WASF3: variants seen among roughly 807,000 people sequenced by gnomAD.
WASF3 encodes the protein actin-binding protein WASF3.
Under a neutral mutation model 46.6 loss-of-function variants are expected in WASF3, and 11 were observed. The observed-to-expected ratio is 0.24, with a 90% CI of 0.15 to 0.39. WASF3 has a LOEUF of 0.39. Ranked by LOEUF, WASF3 falls within the 10% of genes least tolerant of loss-of-function variation. The pLI is 1.00. For missense variants in WASF3, 576 were observed against 669.8 expected, an observed-to-expected ratio of 0.86 and a Z score of 1.55; for synonymous variants, 242 against 259.7, an observed-to-expected ratio of 0.93 and a Z score of 0.65.
chr13:26,543,700 A>G, the WASF3 span, among the ~76,000 whole-genome samples: 3 of 152,166 alleles, frequency 2.0e-5, no homozygotes, highest in African/African-American at 7.2e-5. Context: ...GTCTGTAGCC[A>G]TAAGTTCTAT....
At chr13:26,657,478 C>A (rs1342057167) in intron 3 of WASF3, among the ~76,000 whole-genome samples, 1 of 152,196 alleles carries the variant, frequency 6.6e-6, no homozygotes. Context: ...CAAAATACTA[C>A]TTTAAAATAG....
intron 2 of WASF3, among the ~76,000 whole-genome samples, chr13:26,637,710 C>G (rs963740680): frequency 6.6e-6 from 1 of 152,182 alleles, no homozygotes; most frequent in Non-Finnish European, 1.5e-5. Flanking sequence ...TGAAAGGTAT[C>G]CCTTCATTTG....
In WASF3 at chr13:26,682,316, G is replaced by A. The variant is rs2137515540; in HGVS notation, c.984-291G>A. Among the ~76,000 whole-genome samples, 1 of 152,318 alleles carries A rather than the reference G, an allele frequency of 6.6e-6. No individual in the cohort carries two copies. Among genetic ancestry groups the A allele is most frequent in the East Asian group, 1.9e-4 (1 of 5,186 alleles). ...AAGCCTTCACTGGCGCTGCCGTCCT[G>A]GCCTCTGCAGTCAGCTGCTTTATTC... On this transcript the variant is annotated intron_variant, in intron 8 of 9. Transcript: ENST00000335327. This position sits in a 1 kb window ranked among gnomAD's most constrained non-coding sequence, Gnocchi z 4.4.
chr13:26,666,866 C>CAAAAAAAA (rs1168774717), intron 4 of WASF3, among the ~76,000 whole-genome samples: 4 of 62,804 alleles, frequency 6.4e-5, no homozygotes, highest in African/African-American at 1.0e-4. Flanking sequence ...AAGACTGTCT[C>CAAAAAAAA]AAAAAAAAAA....
chr13:26,659,730 T>A (rs555928095), intron 3 of WASF3, among the ~76,000 whole-genome samples: 135 of 152,106 alleles, frequency 8.9e-4, no homozygotes, highest in Non-Finnish European at 1.6e-3. Context: ...TGTATGACAG[T>A]TTGCTGGAGA....
chr13:26,635,438 C>T (rs1023880072), intron 2 of WASF3, among the ~76,000 whole-genome samples: 8 of 152,170 alleles, frequency 5.3e-5, no homozygotes, highest in Non-Finnish European at 8.8e-5. Flanking sequence ...AGAACATGCT[C>T]CTTTAGCTCG....
intron 2 of WASF3, among the ~76,000 whole-genome samples, chr13:26,615,693 A>T (rs983251909): frequency 6.6e-6 from 1 of 152,204 alleles, no homozygotes; most frequent in Admixed American, 6.5e-5. Context: ...TTGATAAGTT[A>T]TTTGAAATAT....
rs1883420455 is a variant in WASF3 at position 26,686,846 on chromosome 13, T to C, written c.*1001T>C. 1 of 152,244 alleles carries C rather than the reference T, an allele frequency of 6.6e-6. No homozygotes were observed. The highest frequency in any genetic ancestry group is 6.5e-5 in the Admixed American group (1 of 15,282). 9.4% of individuals were successfully genotyped at this position (152,244 alleles called of 1,614,324 possible). Reference sequence around the variant, plus strand: ...ACTTTAGATGGCACCTTTCACCACTTGGTCAGAATTTTAAAAGCTTAGGTT... The same window carrying C: ...ACTTTAGATGGCACCTTTCACCACTCGGTCAGAATTTTAAAAGCTTAGGTT... On this transcript the variant is annotated 3_prime_UTR_variant, in exon 10 of 10. Transcript: ENST00000335327.
chr13:26,562,302 C>T (rs58937676), intron 1 of WASF3, among the ~76,000 whole-genome samples: 291 of 152,174 alleles, frequency 1.9e-3, no homozygotes, highest in African/African-American at 6.3e-3. Context: ...TCATGGTGTC[C>T]GAGGAAACCT....
chr13:26,619,623 G>A lies in WASF3; in HGVS notation c.-11+6565G>A, dbSNP rs1270141534. On this transcript the variant is annotated intron_variant, in intron 2 of 9. Transcript: ENST00000335327. The stretch of plus-strand genomic sequence containing the variant: ...AAATACAAAACAGAGTAAGATAGGG[G>A]GTCTGAAGCTTATGCATGCAATCAG... 5 of 151,740 alleles carry A rather than the reference G, an allele frequency of 3.3e-5. No individual in the cohort carries two copies. In the East Asian group the frequency reaches 7.7e-4, roughly 23 times the overall value. The allele number at this position is 151,740 out of a possible 1,614,324, so 9.4% of individuals were successfully genotyped here. A position where few individuals can be genotyped will look rare whatever the true frequency, so the allele number is the denominator to read the frequency against.
At position 26,667,409 on chromosome 13, in the gene WASF3, AT is replaced by A. The variant is rs1882804118; in HGVS notation, c.269-105del. ...TTTTAAATGGACAATAAAAAATATT[AT>A]TTGGTTGTTCTAGGAGGTGTTTTTA... On this transcript the variant is annotated intron_variant, in intron 4 of 9. Transcript: ENST00000335327. 1.9e-5 allele frequency: 18 copies of A among 935,504 alleles called. No homozygotes were observed. In the East Asian group the frequency reaches 4.8e-4, roughly 25 times the overall value. 58.0% of individuals were successfully genotyped at this position (935,504 alleles called of 1,614,324 possible).
chr13:26,680,802 C>T (rs1361313348), intron 7 of WASF3, among the ~76,000 whole-genome samples: 2 of 152,218 alleles, frequency 1.3e-5, no homozygotes, highest in South Asian at 2.1e-4. Context: ...TCCTGCTTGC[C>T]GGTCTGTCTG....
chr13:26,649,110 A>G (rs1489125213), intron 3 of WASF3, among the ~76,000 whole-genome samples: 1 of 152,166 alleles, frequency 6.6e-6, no homozygotes, highest in Non-Finnish European at 1.5e-5. Context: ...TCTTCTTTGT[A>G]TTTCATATAA....
intron 1 of WASF3, among the ~76,000 whole-genome samples, chr13:26,587,330 C>G (rs998541971): frequency 7.3e-5 from 11 of 151,420 alleles, no homozygotes; most frequent in Admixed American, 2.6e-4. Flanking sequence ...ATCATCAATC[C>G]AATCAAGGAT....
the WASF3 span, among the ~76,000 whole-genome samples, chr13:26,541,823 A>G: frequency 6.6e-6 from 1 of 152,090 alleles, no homozygotes; most frequent in African/African-American, 2.4e-5. Context: ...CAAATGCTAC[A>G]TCCTTCCCTC....
At position 26,681,137 on chromosome 13, in the gene WASF3, A is replaced by G. The variant is rs371129679; in HGVS notation, c.800A>G (p.Tyr267Cys). Reference protein sequence around the residue: ...SLHPQPVTPSYAAGDVPPHGP... With the variant: ...SLHPQPVTPSCAAGDVPPHGP... ...CACCCCCAGCCTGTGACCCCTTCCT[A>G]TGCAGCTGGTGACGTGCCACCACAC... The change falls in exon 8 of 10, where the codon TAT becomes TGT. Residue 267 changes from tyrosine (Y) to cysteine (C), a missense_variant. This residue lies in a region of WASF3 where 295 missense variants were observed against 291.5 expected (regional missense o/e 1.01). Transcript: ENST00000335327. The G allele has an allele frequency of 9.9e-6, 16 of 1,613,800 alleles. No individual in the cohort carries two copies. Among genetic ancestry groups the G allele is most frequent in the African/African-American group, 2.7e-5 (2 of 74,836 alleles).
intron 3 of WASF3, among the ~76,000 whole-genome samples, chr13:26,660,210 T>G (rs1353403014): frequency 3.2e-5 from 4 of 126,914 alleles, no homozygotes; most frequent in Non-Finnish European, 6.5e-5. Context: ...TTTTTTTTTT[T>G]TTTTTTTTTT....
intron 7 of WASF3, chr13:26,680,262 G>A (rs1168852546): frequency 1.3e-6 from 2 of 1,503,628 alleles, no homozygotes; most frequent in African/African-American, 1.4e-5. Flanking sequence ...CTGCCGCCAT[G>A]AGAGGATGTA....
chr13:26,653,711 A>C (rs1334376070), intron 3 of WASF3, among the ~76,000 whole-genome samples: 1 of 152,128 alleles, frequency 6.6e-6, no homozygotes, highest in Non-Finnish European at 1.5e-5. Context: ...CTCATTTACT[A>C]AGTGACCTCA....
Sources: allele counts gnomAD v4.1 joint callset (sites outside exome capture counted in the v4.1 genomes callset), GRCh38; gene constraint gnomAD v4.1.1; regional missense constraint gnomAD v4.1.1; non-coding constraint Gnocchi (gnomAD v3.1); transcripts MANE v1.5; gene names NCBI Gene and HGNC (gene_info 2026-07-23, HGNC 2026-07-21).